The following FRMD1 variants were observed in gnomAD, a reference collection of about 807,000 sequenced individuals.
FRMD1 encodes FERM domain-containing protein 1.
A neutral mutation model predicts 54.9 loss-of-function variants in FRMD1; 51 were observed. The observed-to-expected ratio is 0.93, with a 90% CI of 0.74 to 1.17. The LOEUF (loss-of-function observed/expected upper bound fraction) is 1.17, where lower values mean the gene tolerates loss of function less well. FRMD1 is among the 50% of genes most tolerant of loss of function. The pLI, the probability that FRMD1 is intolerant of heterozygous loss-of-function variation, is 0.00. For synonymous variants in FRMD1, 324 were observed against 306.4 expected (o/e 1.06, Z -0.60); for missense variants, 729 against 743.0 (o/e 0.98, Z 0.22).
intron 2 of FRMD1, among the ~76,000 whole-genome samples, chr6:168,072,165 C>A (rs1800339820): frequency 6.6e-6 from 1 of 152,202 alleles, no homozygotes; most frequent in Non-Finnish European, 1.5e-5. Context: ...GGGAACCTGC[C>A]CCGCCTGGGT....
intron 10 of FRMD1, 36 bp from the exon 11 acceptor site, chr6:168,057,375 C>T (rs780712970): frequency 1.9e-6 from 3 of 1,595,696 alleles, no homozygotes; most frequent in Non-Finnish European, 1.7e-6. Context: ...GCCTGCTGCC[C>T]CCTCTCACTC....
At chr6:168,062,341 C>G (rs1799790025) in intron 7 of FRMD1, among the ~76,000 whole-genome samples, 1 of 152,254 alleles carries the variant, frequency 6.6e-6, no homozygotes, top group African/African-American at 2.4e-5. Flanking sequence ...CCCTGGGTGA[C>G]AGCTCTGGGG....
chr6:168,074,319 C>T (rs370654275), intron 2 of FRMD1, among the ~76,000 whole-genome samples: 80 of 152,310 alleles, frequency 5.3e-4, no homozygotes, highest in Middle Eastern at 6.8e-3. Flanking sequence ...TTTCCAGAAG[C>T]CCCTGGAGCC....
rs1165296141 is a variant in FRMD1, at chr6:168,059,663, AGGGCCGT to A, written c.1343-482_1343-476del. Among the ~76,000 whole-genome samples, 1 of 152,166 alleles carries A rather than the reference AGGGCCGT, an allele frequency of 6.6e-6. No homozygotes were observed. Among genetic ancestry groups the A allele is most frequent in the East Asian group, 1.9e-4 (1 of 5,178 alleles). On this transcript the variant is annotated intron_variant, in intron 9 of 10. Coordinates refer to ENST00000283309, the MANE Select transcript of FRMD1 (RefSeq NM_024919.6). The surrounding 1 kb of genome is among the most constrained non-coding windows in gnomAD (Gnocchi z 4.4). Reference sequence around the variant, plus strand: ...ACCTGATCTCATCACATCCACCGTCAGGGCCGTGGGGACACTCAGAGACCAGCAGAGC... The same window carrying A: ...ACCTGATCTCATCACATCCACCGTCAGGGGACACTCAGAGACCAGCAGAGC...
chr6:168,082,034 C>T (rs558577252), upstream of FRMD1, among the ~76,000 whole-genome samples: 203 of 152,310 alleles, frequency 1.3e-3, no homozygotes, highest in African/African-American at 4.5e-3. Flanking sequence ...ACCATGTGGG[C>T]GTGAGTGTGA....
At chr6:168,081,741 C>T (rs907747316), upstream of FRMD1, 9 of 440,660 alleles carry the variant, frequency 2.0e-5, no homozygotes, top group East Asian at 1.0e-4. Flanking sequence ...GGCTCCATTC[C>T]GAGACATCCA....
At chr6:168,067,719 G>A (rs1387509485) in intron 2 of FRMD1, among the ~76,000 whole-genome samples, 1 of 152,236 alleles carries the variant, frequency 6.6e-6, no homozygotes, top group Admixed American at 6.5e-5. Flanking sequence ...CTCCGGGCAC[G>A]CCCTTTGGGA....
In FRMD1 at chr6:168,057,220, G is replaced by A. The variant is rs189057181; in HGVS notation, c.1527C>T (p.Arg509=). The change falls in exon 11 of 11, where the codon CGC becomes CGT. Residue 509 remains arginine, a synonymous_variant. Coordinates refer to ENST00000283309, the MANE Select transcript of FRMD1 (RefSeq NM_024919.6). ...GGCCTGCCAGCCTGCAGTCCAGGGC[G>A]CGGTGGAAGGTATGGCTGAGTGAGG... ...APTSLSHTFH[R]ALDCRLAGPC... 115 of 1,608,940 alleles carry A rather than the reference G, an allele frequency of 7.1e-5. No homozygotes were observed. The highest frequency in any genetic ancestry group is 1.7e-4 in the Middle Eastern group (1 of 6,028).
At position 168,056,821 on chromosome 6, in the gene FRMD1, C is replaced by T; in HGVS notation, c.*276G>A. Reference sequence around the variant, plus strand: ...GGGGCCAACACCATGGCTCTCTGGACACTTGACAGCCAGACCTTGAACTGG... The same window carrying T: ...GGGGCCAACACCATGGCTCTCTGGATACTTGACAGCCAGACCTTGAACTGG... On this transcript the variant is annotated 3_prime_UTR_variant, in exon 11 of 11. Coordinates refer to ENST00000283309, the MANE Select transcript of FRMD1 (RefSeq NM_024919.6). 3.2e-6 allele frequency: 1 copy of T among 312,186 alleles called. No homozygotes were observed. The highest frequency in any genetic ancestry group is 5.9e-6 in the Non-Finnish European group (1 of 170,166). 19.3% of individuals were successfully genotyped at this position (312,186 alleles called of 1,614,324 possible). A position where few individuals can be genotyped will look rare whatever the true frequency, so the allele number is the denominator to read the frequency against.
At chr6:168,066,465 T>A (rs901278392) in intron 4 of FRMD1, 1 of 937,162 alleles carries the variant, frequency 1.1e-6, no homozygotes, top group African/African-American at 1.8e-5. Context: ...GCCATTGCAC[T>A]CCAGCCTGGG....
intron 2 of FRMD1, among the ~76,000 whole-genome samples, chr6:168,073,437 G>A (rs1380623877): frequency 6.6e-6 from 1 of 152,192 alleles, no homozygotes; most frequent in African/African-American, 2.4e-5. Context: ...AGAAAGGCTG[G>A]CCTGCTGGAC....
At chr6:168,068,349 G>C (rs747540174) in intron 2 of FRMD1, among the ~76,000 whole-genome samples, 2 of 152,118 alleles carry the variant, frequency 1.3e-5, no homozygotes, top group African/African-American at 4.8e-5. Context: ...AAAGCCTAGA[G>C]AGACACCATT....
rs374502267 is a variant in FRMD1, at chr6:168,059,139, G to T, written c.1392C>A (p.Ala464=). ...CTQVRTRGQS[A]EAVHQIQEMT... Reference sequence around the variant, plus strand: ...GGGACTCTACCTGGTGCACGGCCTCGGCGCTCTGGCCTCTGGTCCTGACCT... The same window carrying T: ...GGGACTCTACCTGGTGCACGGCCTCTGCGCTCTGGCCTCTGGTCCTGACCT... The change falls in exon 10 of 11, where the codon GCC becomes GCA. Residue 464 remains alanine, a synonymous_variant. Coordinates refer to ENST00000283309, the MANE Select transcript of FRMD1 (RefSeq NM_024919.6). This position sits in a 1 kb window ranked among gnomAD's most constrained non-coding sequence, Gnocchi z 4.4. 1 of 1,579,626 alleles carries T rather than the reference G, an allele frequency of 6.3e-7. No individual in the cohort carries two copies. Among genetic ancestry groups the T allele is most frequent in the African/African-American group, 1.3e-5 (1 of 74,736 alleles).
chr6:168,066,154 C>G (rs1222336800), intron 4 of FRMD1: 1 of 987,006 alleles, frequency 1.0e-6, no homozygotes. Flanking sequence ...GCCTCGCCCA[C>G]CCCCGGATGG....
intron 4 of FRMD1, chr6:168,065,274 C>T (rs1405949760): frequency 1.5e-6 from 2 of 1,322,060 alleles, no homozygotes; most frequent in East Asian, 5.9e-5. Flanking sequence ...CTTGCTGCCA[C>T]CAAGGAGCCA....
At position 168,059,075 on chromosome 6, in the gene FRMD1, G is replaced by A. The variant is rs749619950; in HGVS notation, c.1407+49C>T. 1.8e-5 allele frequency: 26 copies of A among 1,438,918 alleles called. No homozygotes were observed. Among genetic ancestry groups the A allele is most frequent in the Admixed American group, 1.9e-5 (1 of 51,356 alleles). The allele number at this position is 1,438,918 out of a possible 1,614,324, so 89.1% of individuals were successfully genotyped here. ...CCCCTGACAGGGGACCTAGGAGAAG[G>A]GGGTGGAGGAGCAGGGCCAGGGCTT... On this transcript the variant is annotated intron_variant, in intron 10 of 10. Transcript: ENST00000283309. The surrounding 1 kb of genome is among the most constrained non-coding windows in gnomAD (Gnocchi z 4.4).
At chr6:168,080,245 C>T (rs1800789643), upstream of FRMD1, among the ~76,000 whole-genome samples, 1 of 152,100 alleles carries the variant, frequency 6.6e-6, no homozygotes, top group Non-Finnish European at 1.5e-5. Flanking sequence ...GGCCTCACCT[C>T]CCCCGGACCC....
Position 168,076,169 on chromosome 6 carries a change from C to T in FRMD1, c.214-834G>A, listed in dbSNP as rs370473300. ...CAAGCCTGTGACGGAGGGTGCAGGACGGTTGCCGTGCGCTCTGCTCTCAGA... is the reference window on the plus strand; with the variant it reads ...CAAGCCTGTGACGGAGGGTGCAGGATGGTTGCCGTGCGCTCTGCTCTCAGA... On this transcript the variant is annotated intron_variant, in intron 1 of 10. Coordinates refer to ENST00000283309, the MANE Select transcript of FRMD1 (RefSeq NM_024919.6). Among the ~76,000 whole-genome samples, 7 of 152,268 alleles carry T rather than the reference C, an allele frequency of 4.6e-5. No individual in the cohort carries two copies. The East Asian group carries it at 5.8e-4, about 13-fold the overall frequency.
chr6:168,081,717 G>A (rs1800835019), upstream of FRMD1: 1 of 472,176 alleles, frequency 2.1e-6, no homozygotes, highest in Non-Finnish European at 3.6e-6. Context: ...GGAGAAGCTG[G>A]ATGCAAAAGG....
Sources: allele counts gnomAD v4.1 joint callset (sites outside exome capture counted in the v4.1 genomes callset), GRCh38; gene constraint gnomAD v4.1.1; non-coding constraint Gnocchi (gnomAD v3.1); transcripts MANE v1.5; gene names NCBI Gene and HGNC (gene_info 2026-07-23, HGNC 2026-07-21).